Variants in MGAT4C observed in about 807,000 individuals in gnomAD.
The protein encoded by MGAT4C is MGAT4 family member C.
In MGAT4C, 19 loss-of-function variants were observed where a neutral mutation model predicts 40.1. That is an observed-to-expected ratio of 0.47 (90% CI 0.33 to 0.70). The LOEUF (loss-of-function observed/expected upper bound fraction) is 0.70. MGAT4C is among the 30% of genes least tolerant of loss of function. The probability of loss-of-function intolerance (pLI) is 0.02; values close to 1 mark genes in which losing one functional copy is unlikely to be tolerated. For missense variants in MGAT4C, 491 were observed against 563.2 expected (o/e 0.87, Z 1.30); for synonymous variants, 181 against 187.1 (o/e 0.97, Z 0.27).
rs1592575202 is a variant in MGAT4C, at chr12:85,965,175, T to G, written c.*14114A>C. Reference sequence around the variant, plus strand: ...AGGGTACATGTGCATAACGTGCAGGTTTGTTACATATGTATACATGTGCCA... The same window carrying G: ...AGGGTACATGTGCATAACGTGCAGGGTTGTTACATATGTATACATGTGCCA... On this transcript the variant is annotated 3_prime_UTR_variant, in exon 5 of 5. Transcript: ENST00000611864. The G allele has an allele frequency of 6.6e-6, 1 of 152,200 alleles. No homozygotes were observed. Among genetic ancestry groups the G allele is most frequent in the African/African-American group, 2.4e-5 (1 of 41,454 alleles). The allele number at this position is 152,200 out of a possible 1,614,324, so 9.4% of individuals were successfully genotyped here. A position where few individuals can be genotyped will look rare whatever the true frequency, so the allele number is the denominator to read the frequency against.
intron 2 of MGAT4C, among the ~76,000 whole-genome samples, chr12:86,552,088 A>G (rs1959395708): frequency 1.3e-5 from 2 of 151,940 alleles, no homozygotes; most frequent in African/African-American, 4.8e-5. Context: ...ATCCAGTAAT[A>G]GACCTCAATC....
At chr12:85,991,284 G>C (rs1885898288) in intron 2 of MGAT4C, among the ~76,000 whole-genome samples, 2 of 152,162 alleles carry the variant, frequency 1.3e-5, no homozygotes, top group Admixed American at 1.3e-4. Context: ...TGCTCTGGCT[G>C]AACACGGGGC....
intron 4 of MGAT4C, among the ~76,000 whole-genome samples, chr12:86,269,635 T>G (rs552747193): frequency 6.6e-6 from 1 of 152,122 alleles, no homozygotes; most frequent in Admixed American, 6.5e-5. Flanking sequence ...ATTTTTCTTC[T>G]TAGAGAAACT....
At chr12:86,675,989 C>A (rs1964388894) in intron 2 of MGAT4C, among the ~76,000 whole-genome samples, 1 of 149,054 alleles carries the variant, frequency 6.7e-6, no homozygotes, top group Admixed American at 6.7e-5. Context: ...AAAAAACATT[C>A]ATTTCAATGA....
At chr12:86,473,230 T>A (rs2136305648) in intron 2 of MGAT4C, among the ~76,000 whole-genome samples, 1 of 152,318 alleles carries the variant, frequency 6.6e-6, no homozygotes, top group Non-Finnish European at 1.5e-5. Flanking sequence ...GTGCTGGGCT[T>A]ACAGGCATGA....
intron 1 of MGAT4C, among the ~76,000 whole-genome samples, chr12:86,796,885 C>A (rs1237675672): frequency 6.6e-6 from 1 of 151,778 alleles, no homozygotes; most frequent in East Asian, 1.9e-4. Context: ...AACATCATGT[C>A]ATACTTAGTA....
chr12:86,791,277 T>C (rs1041205198), intron 1 of MGAT4C, among the ~76,000 whole-genome samples: 1 of 152,086 alleles, frequency 6.6e-6, no homozygotes, highest in African/African-American at 2.4e-5. Flanking sequence ...AAGGAGCTAC[T>C]CAACAACAAC....
At chr12:86,639,599 T>C (rs1286854112) in intron 2 of MGAT4C, among the ~76,000 whole-genome samples, 1 of 151,760 alleles carries the variant, frequency 6.6e-6, no homozygotes, top group African/African-American at 2.4e-5. Flanking sequence ...CTAAGTTCTT[T>C]GATTGCCAAG....
At chr12:86,551,180 T>TGCCAATGTTATCA (rs1269981492) in intron 2 of MGAT4C, among the ~76,000 whole-genome samples, 8 of 152,248 alleles carry the variant, frequency 5.3e-5, no homozygotes, top group Non-Finnish European at 8.8e-5. Flanking sequence ...AATAGCTATA[T>TGCCAATGTTATCA]GCCAATGTTA....
chr12:86,162,551 G>C (rs1036675215), intron 1 of MGAT4C, among the ~76,000 whole-genome samples: 1 of 151,964 alleles, frequency 6.6e-6, no homozygotes, highest in Non-Finnish European at 1.5e-5. Flanking sequence ...CTCATTATTT[G>C]GATGATGGGA....
At chr12:86,451,804 T>C (rs879413167) in intron 2 of MGAT4C, among the ~76,000 whole-genome samples, 42 of 152,120 alleles carry the variant, frequency 2.8e-4, no homozygotes, top group Non-Finnish European at 5.4e-4. Flanking sequence ...CTTACTGAAT[T>C]ATTTATTATG....
At chr12:86,570,395 A>AT (rs1223435096) in intron 2 of MGAT4C, among the ~76,000 whole-genome samples, 3 of 152,216 alleles carry the variant, frequency 2.0e-5, no homozygotes, top group Non-Finnish European at 2.9e-5. Flanking sequence ...TTTAGATTCA[A>AT]TTTTTTTGTC....
chr12:86,714,480 A>T (rs983370298), intron 2 of MGAT4C, among the ~76,000 whole-genome samples: 3 of 152,098 alleles, frequency 2.0e-5, no homozygotes, highest in African/African-American at 7.2e-5. Context: ...TAATTGAATC[A>T]TGAGGGTGGT....
At chr12:86,207,538 A>G (rs980102520) in intron 1 of MGAT4C, among the ~76,000 whole-genome samples, 2 of 151,440 alleles carry the variant, frequency 1.3e-5, no homozygotes, top group African/African-American at 4.9e-5. Flanking sequence ...CAAGTTTGTC[A>G]GGTACAAAAA....
intron 1 of MGAT4C, among the ~76,000 whole-genome samples, chr12:86,155,414 G>C (rs773778697): frequency 6.6e-6 from 1 of 152,142 alleles, no homozygotes; most frequent in Non-Finnish European, 1.5e-5. Context: ...GGAATAGAAG[G>C]CATAGTAATA....
At position 85,962,427 on chromosome 12, in the gene MGAT4C, T is replaced by C. The variant is rs1485364673; in HGVS notation, c.*16862A>G. The stretch of plus-strand genomic sequence containing the variant: ...TTAATTATATAATTATATAATTATA[T>C]AAAATTTTATAATTAATTATAAAAT... On this transcript the variant is annotated 3_prime_UTR_variant, in exon 5 of 5. Coordinates refer to ENST00000611864, the MANE Select transcript of MGAT4C (RefSeq NM_001351288.2). 2 of 147,842 alleles carry C rather than the reference T, an allele frequency of 1.4e-5. No homozygotes were observed. The highest frequency in any genetic ancestry group is 3.0e-5 in the Non-Finnish European group (2 of 66,946). The allele number at this position is 147,842 out of a possible 1,614,324, so 9.2% of individuals were successfully genotyped here.
chr12:86,605,442 T>C (rs936166252), intron 2 of MGAT4C, among the ~76,000 whole-genome samples: 1 of 152,030 alleles, frequency 6.6e-6, no homozygotes, highest in African/African-American at 2.4e-5. Flanking sequence ...CTGTTCAGAA[T>C]AATAATAATA....
At chr12:86,118,286 A>G (rs1592987815) in intron 1 of MGAT4C, among the ~76,000 whole-genome samples, 2 of 152,158 alleles carry the variant, frequency 1.3e-5, no homozygotes, top group African/African-American at 4.8e-5. Context: ...GACTTGTCCT[A>G]TTGTTCAGGG....
chr12:86,448,944 A>T (rs1182081633), intron 2 of MGAT4C, among the ~76,000 whole-genome samples: 1 of 152,202 alleles, frequency 6.6e-6, no homozygotes, highest in Non-Finnish European at 1.5e-5. Flanking sequence ...TAGGCTTCAG[A>T]TCTTTATCAT....
Sources: allele counts gnomAD v4.1 joint callset (sites outside exome capture counted in the v4.1 genomes callset), GRCh38; gene constraint gnomAD v4.1.1; transcripts MANE v1.5; gene names NCBI Gene and HGNC (gene_info 2026-07-23, HGNC 2026-07-21).